The following NFE2L3 variants were observed in gnomAD, a reference collection of about 807,000 sequenced individuals.
NFE2L3 encodes the protein nuclear factor erythroid 2-related factor 3.
Under a neutral mutation model 23.5 loss-of-function variants are expected in NFE2L3, and 18 were observed. The ratio of observed to expected loss-of-function variants is 0.77; its 90% confidence interval spans 0.53 to 1.13. NFE2L3 has a LOEUF of 1.13. Ranked by LOEUF, NFE2L3 falls within the 50% of genes most tolerant of loss-of-function variation. The probability of loss-of-function intolerance (pLI) is 0.00; values close to 1 mark genes in which losing one functional copy is unlikely to be tolerated. For synonymous variants in NFE2L3, 424 were observed against 354.5 expected (o/e 1.20, Z -2.20); for missense variants, 1,152 against 877.2 (o/e 1.31, Z -3.96).
At chr7:26,164,590 TC>T (rs1038156472) in intron 1 of NFE2L3, among the ~76,000 whole-genome samples, 1 of 152,236 alleles carries the variant, frequency 6.6e-6, no homozygotes, top group African/African-American at 2.4e-5. Flanking sequence ...GCAAAAATTT[TC>T]CCCCATTCTG....
At chr7:26,181,675 G>A (rs1350063264) in intron 2 of NFE2L3, among the ~76,000 whole-genome samples, 1 of 152,072 alleles carries the variant, frequency 6.6e-6, no homozygotes, top group East Asian at 1.9e-4. Flanking sequence ...CCATGAGTCA[G>A]CATATGCAAA....
chr7:26,174,670 C>T (rs1384012914), intron 1 of NFE2L3: 1 of 152,168 alleles, frequency 6.6e-6, no homozygotes, highest in Non-Finnish European at 1.5e-5. Flanking sequence ...TCTTATCTTG[C>T]CTTGATTTTT....
At chr7:26,158,418 A>C (rs1157481718) in intron 1 of NFE2L3, among the ~76,000 whole-genome samples, 1 of 152,176 alleles carries the variant, frequency 6.6e-6, no homozygotes, top group Non-Finnish European at 1.5e-5. Context: ...AATCTATAAC[A>C]ATCACCATCT....
rs1397089899 is a variant in NFE2L3, at chr7:26,185,989, C to T, written c.*206C>T. ...TGTGGGCAATCTGGGGGAGCCACAACTTTTCATGAAGTGCATTGTATACAA... is the reference window on the plus strand; with the variant it reads ...TGTGGGCAATCTGGGGGAGCCACAATTTTTCATGAAGTGCATTGTATACAA... On this transcript the variant is annotated 3_prime_UTR_variant, in exon 4 of 4. Coordinates refer to ENST00000056233, the MANE Select transcript of NFE2L3 (RefSeq NM_004289.7). The T allele has an allele frequency of 2.1e-6, 1 of 474,392 alleles. No homozygotes were observed. Among genetic ancestry groups the T allele is most frequent in the Non-Finnish European group, 3.7e-6 (1 of 270,820 alleles). 29.4% of individuals were successfully genotyped at this position (474,392 alleles called of 1,614,324 possible). A position where few individuals can be genotyped will look rare whatever the true frequency, so the allele number is the denominator to read the frequency against.
At chr7:26,179,137 G>C (rs1346493999) in intron 2 of NFE2L3, among the ~76,000 whole-genome samples, 1 of 152,010 alleles carries the variant, frequency 6.6e-6, no homozygotes, top group Non-Finnish European at 1.5e-5. Context: ...GTGAAATCTA[G>C]GGCAGGTCCC....
intron 1 of NFE2L3, among the ~76,000 whole-genome samples, chr7:26,162,694 A>C (rs1180605283): frequency 6.6e-6 from 1 of 151,650 alleles, no homozygotes; most frequent in East Asian, 1.9e-4. Context: ...AGGGGACTTT[A>C]GAAGTAAGTT....
chr7:26,184,588 C>A lies in NFE2L3; in HGVS notation c.890C>A (p.Ser297Tyr), dbSNP rs990460413. The A allele has an allele frequency of 6.2e-7, 1 of 1,613,846 alleles. No homozygotes were observed. Among genetic ancestry groups the A allele is most frequent in the Non-Finnish European group, 8.5e-7 (1 of 1,179,772 alleles). ...GGCAGTATCAGTGATGGCATGAATT[C>A]TTCAGCACATTATCATGTAAACTTC... ...LPGSISDGMN[S>Y]SAHYHVNFSQ... Residue 297 changes from serine to tyrosine, a missense_variant, in exon 4 of 4, where the codon TCT becomes TAT. Transcript: ENST00000056233.
chr7:26,152,619 C>T lies in NFE2L3; in HGVS notation c.121C>T (p.Leu41=). ...TTACCTGCTGCTGCCGCCGCCCACC[C>T]TGCTGCAGGACGAGCTGCTGTTCCT... ...DLYLLLPPPT[L]LQDELLFLGG... is the part of the protein sequence containing the mutation. The change falls in exon 1 of 4, where the codon CTG becomes TTG. Residue 41 remains leucine, a synonymous_variant. Coordinates refer to ENST00000056233, the MANE Select transcript of NFE2L3 (RefSeq NM_004289.7). This position sits in a 1 kb window ranked among gnomAD's most constrained non-coding sequence, Gnocchi z 4.4. 6.5e-7 allele frequency: 1 copy of T among 1,536,820 alleles called. No individual in the cohort carries two copies. Among genetic ancestry groups the T allele is most frequent in the East Asian group, 2.6e-5 (1 of 37,908 alleles).
intron 1 of NFE2L3, among the ~76,000 whole-genome samples, chr7:26,160,324 G>C (rs930333020): frequency 5.9e-5 from 9 of 152,194 alleles, no homozygotes; most frequent in African/African-American, 1.9e-4. Context: ...GTACATCCCT[G>C]AGTTGTTTTT....
At position 26,185,943 on chromosome 7, in the gene NFE2L3, T is replaced by G; in HGVS notation, c.*160T>G. The G allele has an allele frequency of 1.6e-6, 1 of 630,562 alleles. No individual in the cohort carries two copies. The highest frequency in any genetic ancestry group is 2.6e-6 in the Non-Finnish European group (1 of 386,012). The allele number at this position is 630,562 out of a possible 1,614,324, so 39.1% of individuals were successfully genotyped here. On this transcript the variant is annotated 3_prime_UTR_variant, in exon 4 of 4. Coordinates refer to ENST00000056233, the MANE Select transcript of NFE2L3 (RefSeq NM_004289.7). ...TTTTGAAGCTTACATGGACAAATGT[T>G]TAGGACTTCAAGATCACACTTGTGG...
chr7:26,165,789 A>G (rs1303727926), intron 1 of NFE2L3, among the ~76,000 whole-genome samples: 4 of 152,122 alleles, frequency 2.6e-5, no homozygotes, highest in African/African-American at 9.7e-5. Flanking sequence ...TGGGTTTGTC[A>G]TAGATAGCTT....
Position 26,182,274 on chromosome 7 carries a change from A to G in NFE2L3, c.751-1427A>G, listed in dbSNP as rs1183707747. Among the ~76,000 whole-genome samples the G allele has an allele frequency of 2.0e-5, 3 of 151,774 alleles. No individual in the cohort carries two copies. In the South Asian group the frequency reaches 6.2e-4, roughly 31 times the overall value. On this transcript the variant is annotated intron_variant, in intron 2 of 3. Transcript: ENST00000056233. Reference sequence around the variant, plus strand: ...GCCATAAGACAGAGTACTGAGGGAAAACATTAAACCTTATATTTTTACCAG... The same window carrying G: ...GCCATAAGACAGAGTACTGAGGGAAGACATTAAACCTTATATTTTTACCAG...
rs777143712 is a variant in NFE2L3 at position 26,184,761 on chromosome 7, A to G, written c.1063A>G (p.Thr355Ala). ...LNSHTTNPEQ[T>A]LPGTNLTGFL... is the part of the protein sequence containing the mutation. ...TTCTCATACCACCAATCCTGAGCAA[A>G]CCCTTCCTGGAACTAATTTGACAGG... Residue 355 changes from threonine (T) to alanine (A), a missense_variant, in exon 4 of 4, where the codon ACC becomes GCC. Transcript: ENST00000056233. The G allele has an allele frequency of 1.1e-5, 18 of 1,613,742 alleles. No homozygotes were observed. Among genetic ancestry groups the G allele is most frequent in the South Asian group, 2.2e-5 (2 of 91,074 alleles).
chr7:26,176,058 G>T (rs1784399736), intron 1 of NFE2L3, among the ~76,000 whole-genome samples: 1 of 151,638 alleles, frequency 6.6e-6, no homozygotes, highest in Admixed American at 6.6e-5. Context: ...GAGTGGTGAT[G>T]ACTCTTAATG....
Position 26,185,206 on chromosome 7 carries a change from A to C in NFE2L3, c.1508A>C (p.Gln503Pro), listed in dbSNP as rs938735563. ...TTTCATAACCACACTTACCACTTACAGCCAACTGCACCAGAATCTACTTCT... is the reference window on the plus strand; with the variant it reads ...TTTCATAACCACACTTACCACTTACCGCCAACTGCACCAGAATCTACTTCT... ...HVFHNHTYHL[Q>P]PTAPESTSEP... The change falls in exon 4 of 4, where the codon CAG becomes CCG. Residue 503 changes from glutamine (Q) to proline (P), a missense_variant. Coordinates refer to ENST00000056233, the MANE Select transcript of NFE2L3 (RefSeq NM_004289.7). 1.2e-6 allele frequency: 2 copies of C among 1,613,822 alleles called. No individual in the cohort carries two copies. Among genetic ancestry groups the C allele is most frequent in the African/African-American group, 1.3e-5 (1 of 74,922 alleles).
chr7:26,159,112 A>G (rs1784133098), intron 1 of NFE2L3, among the ~76,000 whole-genome samples: 1 of 151,934 alleles, frequency 6.6e-6, no homozygotes, highest in Admixed American at 6.6e-5. Context: ...GCCATTGCCT[A>G]CTTATTCAGT....
intron 1 of NFE2L3, among the ~76,000 whole-genome samples, chr7:26,173,206 G>T (rs1784351796): frequency 6.6e-6 from 1 of 152,064 alleles, no homozygotes; most frequent in Non-Finnish European, 1.5e-5. Context: ...TGAGTTTTCA[G>T]ACAAGACATC....
Position 26,186,731 on chromosome 7 carries a change from CAGCAACAGTGA to C in NFE2L3, c.*950_*960del, listed in dbSNP as rs1305700283. 1 of 150,866 alleles carries C rather than the reference CAGCAACAGTGA, an allele frequency of 6.6e-6. No homozygotes were observed. The highest frequency in any genetic ancestry group is 2.4e-5 in the African/African-American group (1 of 41,048). The allele number at this position is 150,866 out of a possible 1,614,324, so 9.3% of individuals were successfully genotyped here. A position where few individuals can be genotyped will look rare whatever the true frequency, so the allele number is the denominator to read the frequency against. On this transcript the variant is annotated 3_prime_UTR_variant, in exon 4 of 4. Transcript: ENST00000056233. ...GCCATATAAACAGTAGGGAAAGAGT[CAGCAACAGTGA>C]AACCATCTGTTTAAAATGGGCAAAA... is the stretch of plus-strand genomic sequence containing the variant.
rs1194131942 is a variant in NFE2L3 at position 26,187,010 on chromosome 7, T to C, written c.*1227T>C. 6.7e-6 allele frequency: 1 copy of C among 149,814 alleles called. No individual in the cohort carries two copies. The highest frequency in any genetic ancestry group is 2.6e-5 in the African/African-American group (1 of 39,184). The allele number at this position is 149,814 out of a possible 1,614,324, so 9.3% of individuals were successfully genotyped here. On this transcript the variant is annotated 3_prime_UTR_variant, in exon 4 of 4. Coordinates refer to ENST00000056233, the MANE Select transcript of NFE2L3 (RefSeq NM_004289.7). Reference sequence around the variant, plus strand: ...AATTTTCAAAATGAAGTTTCTCAGATATTATTTCTGCCATAGGAGCTACAG... The same window carrying C: ...AATTTTCAAAATGAAGTTTCTCAGACATTATTTCTGCCATAGGAGCTACAG...
Sources: gnomAD v4.1 joint callset for allele counts (sites outside exome capture counted in the v4.1 genomes callset) on GRCh38, gnomAD v4.1.1 for gene constraint, Gnocchi (gnomAD v3.1) non-coding constraint, MANE v1.5 for transcripts, NCBI Gene and HGNC (gene_info 2026-07-23, HGNC 2026-07-21) for gene names.